The following OTUD3 variants were observed in gnomAD, a reference collection of about 807,000 sequenced individuals.
OTUD3 encodes OTU domain-containing protein 3.
OTUD3 carries 24 observed loss-of-function variants against 46.2 expected under a neutral mutation model. That is an observed-to-expected ratio of 0.52 (90% CI 0.38 to 0.73). The LOEUF (loss-of-function observed/expected upper bound fraction) is 0.73, where lower values mean the gene tolerates loss of function less well. Among genes scored for constraint, OTUD3 ranks in the 30% least tolerant of loss-of-function variants. The pLI is 0.00. For synonymous variants in OTUD3, 189 were observed against 195.4 expected, an observed-to-expected ratio of 0.97 and a Z score of 0.27; for missense variants, 455 against 523.3, an observed-to-expected ratio of 0.87 and a Z score of 1.27.
rs754522313 is a variant in OTUD3 at position 19,904,339 on chromosome 1, G to A, written c.679G>A (p.Asp227Asn). 10 of 1,612,564 alleles carry A rather than the reference G, an allele frequency of 6.2e-6. No homozygotes were observed. The African/African-American group carries it at 6.7e-5, about 11-fold the overall frequency. ...GACAAAGGGAATGGACTCTGAAGACGACCTGAGAGATGAAGTAGAGGATGC... is the reference window on the plus strand; with the variant it reads ...GACAAAGGGAATGGACTCTGAAGACAACCTGAGAGATGAAGTAGAGGATGC... ...IKTKGMDSED[D>N]LRDEVEDAVQ... Residue 227 changes from aspartate (D) to asparagine (N), a missense_variant, in exon 5 of 8, where the codon GAC becomes AAC. By Grantham distance (23) the Asp-to-Asn change is conservative. Coordinates refer to ENST00000375120, the MANE Select transcript of OTUD3 (RefSeq NM_015207.2).
intron 4 of OTUD3, among the ~76,000 whole-genome samples, chr1:19,902,427 G>A (rs150721682): frequency 9.7e-4 from 148 of 152,198 alleles, no homozygotes; most frequent in African/African-American, 3.4e-3. Context: ...GGATGGTCTC[G>A]ATCTCCTGAC....
At chr1:19,893,480 T>C (rs1032387221) in intron 2 of OTUD3, among the ~76,000 whole-genome samples, 5 of 152,330 alleles carry the variant, frequency 3.3e-5, no homozygotes, top group African/African-American at 1.2e-4. Flanking sequence ...ACAGTACACA[T>C]AGAATATTGT....
At chr1:19,897,991 C>G (rs1298549363) in intron 4 of OTUD3, among the ~76,000 whole-genome samples, 1 of 150,826 alleles carries the variant, frequency 6.6e-6, no homozygotes, top group Non-Finnish European at 1.5e-5. Context: ...CTCTTGTTGC[C>G]CAGGCTGGAG....
intron 2 of OTUD3, among the ~76,000 whole-genome samples, chr1:19,892,991 G>A (rs2045468233): frequency 6.6e-6 from 1 of 151,950 alleles, no homozygotes; most frequent in Non-Finnish European, 1.5e-5. Flanking sequence ...CTCAGTTCCT[G>A]CCATATTAGA....
In OTUD3 at chr1:19,909,513, G is replaced by A. The variant is rs910792412; in HGVS notation, c.*1767G>A. 2.0e-5 allele frequency: 3 copies of A among 152,330 alleles called. No homozygotes were observed. Among genetic ancestry groups the A allele is most frequent in the African/African-American group, 7.2e-5 (3 of 41,442 alleles). 9.4% of individuals were successfully genotyped at this position (152,330 alleles called of 1,614,324 possible). A position where few individuals can be genotyped will look rare whatever the true frequency, so the allele number is the denominator to read the frequency against. ...TCTGTTGCCTTACTCTAAGGAAGTG[G>A]GATCGAGTGCGTTAGGATCTATGGT... On this transcript the variant is annotated 3_prime_UTR_variant, in exon 8 of 8. Coordinates refer to ENST00000375120, the MANE Select transcript of OTUD3 (RefSeq NM_015207.2).
In OTUD3 at chr1:19,894,372, C is replaced by A. The variant is rs1415114932; in HGVS notation, c.375C>A (p.Ala125=). 4 of 1,590,464 alleles carry A rather than the reference C, an allele frequency of 2.5e-6. No individual in the cohort carries two copies. In the Admixed American group the frequency reaches 5.3e-5, roughly 21 times the overall value. Residue 125 remains alanine, a synonymous_variant, in exon 3 of 8, where the codon GCC becomes GCA. Transcript: ENST00000375120. ...EDDIPFEKHV[A]SLAKPGTFAG... ...TTCTTTCCTATTTCCATGCAGTGGC[C>A]AGTTTGGCAAAGCCTGGTACTTTTG... is the stretch of plus-strand genomic sequence containing the variant.
intron 1 of OTUD3, among the ~76,000 whole-genome samples, chr1:19,884,652 A>G (rs907800340): frequency 2.0e-5 from 3 of 152,208 alleles, no homozygotes; most frequent in Non-Finnish European, 1.5e-5. Flanking sequence ...ATACACACAC[A>G]TTCCATTAGC....
intron 5 of OTUD3, 91 bp downstream of exon 5, chr1:19,904,489 C>A: frequency 1.6e-6 from 2 of 1,265,954 alleles, no homozygotes; most frequent in Non-Finnish European, 1.1e-6. Context: ...TCTAGCATAT[C>A]AGCACCTTGT....
chr1:19,885,099 G>C (rs1005524029), intron 1 of OTUD3, among the ~76,000 whole-genome samples: 1 of 152,062 alleles, frequency 6.6e-6, no homozygotes, highest in Non-Finnish European at 1.5e-5. Context: ...ACAAGGACAC[G>C]ATGTTTTTGG....
Position 19,907,721 on chromosome 1 carries a change from A to G in OTUD3, c.1172A>G (p.Lys391Arg). Residue 391 changes from lysine (K) to arginine (R), a missense_variant, in exon 8 of 8, where the codon AAG becomes AGG. By Grantham distance (26) the Lys-to-Arg change is conservative. Transcript: ENST00000375120. ...GCGAACACGCAGGTCACCTTGGTGA[A>G]GACCTTCGCCGCTCTCAACATCTGA... ...AEANTQVTLV[K>R]TFAALNI is the part of the protein sequence containing the mutation. 2 of 1,614,240 alleles carry G rather than the reference A, an allele frequency of 1.2e-6. No homozygotes were observed. Among genetic ancestry groups the G allele is most frequent in the Non-Finnish European group, 1.7e-6 (2 of 1,180,022 alleles).
At chr1:19,886,502 T>A (rs183398418) in intron 1 of OTUD3, among the ~76,000 whole-genome samples, 12 of 152,326 alleles carry the variant, frequency 7.9e-5, no homozygotes, top group Admixed American at 7.8e-4. Flanking sequence ...TTCAGTTGGG[T>A]GCCATACTAG....
intron 4 of OTUD3, among the ~76,000 whole-genome samples, chr1:19,898,764 CT>C (rs1480172044): frequency 6.6e-6 from 1 of 151,874 alleles, no homozygotes; most frequent in Non-Finnish European, 1.5e-5. Context: ...TTGCATAAAC[CT>C]TTTTTTCCTG....
chr1:19,907,529 C>G (rs1230769029), intron 7 of OTUD3, 41 bp from the exon 8 acceptor site: 1 of 1,596,468 alleles, frequency 6.3e-7, no homozygotes, highest in Admixed American at 1.7e-5. Flanking sequence ...CAGCTTGAGT[C>G]CCCCGTGCTT....
rs958209596 is a variant in OTUD3 at position 19,911,854 on chromosome 1, C to T, written c.*4108C>T. The T allele has an allele frequency of 6.6e-6, 1 of 152,424 alleles. No individual in the cohort carries two copies. The highest frequency in any genetic ancestry group is 1.5e-5 in the Non-Finnish European group (1 of 68,028). The allele number at this position is 152,424 out of a possible 1,614,324, so 9.4% of individuals were successfully genotyped here. A position where few individuals can be genotyped will look rare whatever the true frequency, so the allele number is the denominator to read the frequency against. ...TTAGGATGCAGAGCTTACCGCACAC[C>T]GCTGATGGGGACCTCCGGAAAGAGC... On this transcript the variant is annotated 3_prime_UTR_variant, in exon 8 of 8. Coordinates refer to ENST00000375120, the MANE Select transcript of OTUD3 (RefSeq NM_015207.2).
chr1:19,886,325 A>C (rs1296914672), intron 1 of OTUD3, among the ~76,000 whole-genome samples: 1 of 152,210 alleles, frequency 6.6e-6, no homozygotes, highest in Non-Finnish European at 1.5e-5. Context: ...TTGAAGAATC[A>C]CTAATTTTAG....
chr1:19,909,110 G>C lies in OTUD3; in HGVS notation c.*1364G>C, dbSNP rs2045702485. ...TACTTGGGCAAATAATTGATGCTGA[G>C]TTGAAAGGTAAATTATTAGTTATCT... On this transcript the variant is annotated 3_prime_UTR_variant, in exon 8 of 8. Coordinates refer to ENST00000375120, the MANE Select transcript of OTUD3 (RefSeq NM_015207.2). The C allele has an allele frequency of 6.6e-6, 1 of 152,326 alleles. No homozygotes were observed. Among genetic ancestry groups the C allele is most frequent in the Non-Finnish European group, 1.5e-5 (1 of 68,040 alleles). 9.4% of individuals were successfully genotyped at this position (152,326 alleles called of 1,614,324 possible).
At chr1:19,884,152 GA>G (rs1308049783) in intron 1 of OTUD3, among the ~76,000 whole-genome samples, 1 of 152,202 alleles carries the variant, frequency 6.6e-6, no homozygotes, top group Non-Finnish European at 1.5e-5. Flanking sequence ...AATACCAATT[GA>G]ATACAGTGGA....
chr1:19,897,625 A>G lies in OTUD3; in HGVS notation c.569A>G (p.Asn190Ser), dbSNP rs201938614. 448 of 1,614,092 alleles carry G rather than the reference A, an allele frequency of 2.8e-4. 1 individual carries two copies. The highest frequency in any genetic ancestry group is 1.1e-3 in the South Asian group (102 of 91,074). Residue 190 changes from asparagine (N) to serine (S), a missense_variant, in exon 4 of 8, where the codon AAT (asparagine) becomes AGT (serine). Physicochemically the swap from Asn to Ser is conservative, Grantham distance 46. Transcript: ENST00000375120. ...GEHYDSVRRI[N>S]DNSEAPAHLQ... Reference sequence around the variant, plus strand: ...CACTACGACAGTGTTCGGAGGATCAATGACAACTCAGAGGCACCTGCACAT... The same window carrying G: ...CACTACGACAGTGTTCGGAGGATCAGTGACAACTCAGAGGCACCTGCACAT...
chr1:19,906,730 T>G, intron 7 of OTUD3, 114 bp downstream of exon 7: 2 of 989,106 alleles, frequency 2.0e-6, no homozygotes, highest in Non-Finnish European at 2.9e-6. Context: ...AAAAGTAGTG[T>G]GGAAAATCTG....
Sources: gnomAD v4.1 joint callset for allele counts (sites outside exome capture counted in the v4.1 genomes callset) on GRCh38, gnomAD v4.1.1 for gene constraint, MANE v1.5 for transcripts, NCBI Gene and HGNC (gene_info 2026-07-23, HGNC 2026-07-21) for gene names.